OR2M3: variants seen among roughly 807,000 people sequenced by gnomAD.
The protein encoded by OR2M3 is olfactory receptor family 2 subfamily M member 3.
In OR2M3, 1 loss-of-function variant was observed where a neutral mutation model predicts 4.3. The ratio of observed to expected loss-of-function variants is 0.23; its 90% CI spans 0.08 to 1.11. The LOEUF is 1.11. Ranked by LOEUF, OR2M3 falls within the 50% of genes most tolerant of loss-of-function variation. OR2M3 has a pLI of 0.54. For missense variants in OR2M3, 410 were observed against 390.4 expected, an observed-to-expected ratio of 1.05 and a Z score of -0.42; for synonymous variants, 151 against 139.4, an observed-to-expected ratio of 1.08 and a Z score of -0.59.
Position 248,209,939 on chromosome 1 carries a change from G to A in OR2M3, c.*5933G>A, listed in dbSNP as rs1209055825. 6.6e-6 allele frequency: 1 copy of A among 152,354 alleles called. No homozygotes were observed. Among genetic ancestry groups the A allele is most frequent in the Non-Finnish European group, 1.5e-5 (1 of 68,080 alleles). 9.4% of individuals were successfully genotyped at this position (152,354 alleles called of 1,614,324 possible). A position where few individuals can be genotyped will look rare whatever the true frequency, so the allele number is the denominator to read the frequency against. ...GTCTTCAGCTACCAAGGTGGATAGA[G>A]AAAGACCACCAGGTCAGGGTAGGGA... On this transcript the variant is annotated 3_prime_UTR_variant, in exon 2 of 2. Coordinates refer to ENST00000641626, the MANE Select transcript of OR2M3 (RefSeq NM_001004689.2).
chr1:248,198,728 G>C (rs1435150297), intron 1 of OR2M3, among the ~76,000 whole-genome samples: 1 of 152,054 alleles, frequency 6.6e-6, no homozygotes, highest in African/African-American at 2.4e-5. Context: ...GTATCACAGT[G>C]TCATGAAATC....
chr1:248,200,936 C>T (rs921904143), intron 1 of OR2M3, among the ~76,000 whole-genome samples: 2 of 152,080 alleles, frequency 1.3e-5, no homozygotes, highest in Non-Finnish European at 2.9e-5. Context: ...CTAGATTATT[C>T]AGCTTTCATT....
intron 1 of OR2M3, among the ~76,000 whole-genome samples, chr1:248,202,391 C>T (rs1245929342): frequency 6.6e-6 from 1 of 152,158 alleles, no homozygotes; most frequent in Non-Finnish European, 1.5e-5. Flanking sequence ...TAGTTACACT[C>T]TTTATGTATT....
chr1:248,198,971 T>A (rs1367828222), intron 1 of OR2M3, among the ~76,000 whole-genome samples: 1 of 152,168 alleles, frequency 6.6e-6, no homozygotes, highest in Non-Finnish European at 1.5e-5. Flanking sequence ...ATGATTTTCA[T>A]GACTTCTGTG....
At chr1:248,202,235 T>A (rs971068343) in intron 1 of OR2M3, among the ~76,000 whole-genome samples, 5 of 151,990 alleles carry the variant, frequency 3.3e-5, no homozygotes, top group Admixed American at 1.3e-4. Flanking sequence ...ATTTCTTGGT[T>A]TGCAGATGCA....
rs12058056 is a variant in OR2M3, at chr1:248,199,668, T to G, written c.-19+2367T>G. On this transcript the variant is annotated intron_variant, in intron 1 of 1. Coordinates refer to ENST00000641626, the MANE Select transcript of OR2M3 (RefSeq NM_001004689.2). ...CATTAGTTCTTTTTATAGAATTTTA[T>G]TGAATAAATATTCACATGGATCTTA... Among the ~76,000 whole-genome samples, 997 of 152,198 alleles carry G rather than the reference T, an allele frequency of 6.6e-3. 13 individuals carry two copies. Among genetic ancestry groups the G allele is most frequent in the African/African-American group, 0.023 (944 of 41,538 alleles).
rs1477208656 is a variant in OR2M3, at chr1:248,207,140, G to A, written c.*3134G>A. On this transcript the variant is annotated 3_prime_UTR_variant, in exon 2 of 2. Coordinates refer to ENST00000641626, the MANE Select transcript of OR2M3 (RefSeq NM_001004689.2). ...TTGATTAATCATTTGTATTTCTATG[G>A]AATCAATTGTAATATCTCCCTTTTC... 1 of 151,894 alleles carries A rather than the reference G, an allele frequency of 6.6e-6. No individual in the cohort carries two copies. Among genetic ancestry groups the A allele is most frequent in the Non-Finnish European group, 1.5e-5 (1 of 67,916 alleles). 9.4% of individuals were successfully genotyped at this position (151,894 alleles called of 1,614,324 possible).
In OR2M3 at chr1:248,203,470, C is replaced by G. The variant is rs1409931924; in HGVS notation, c.403C>G (p.Leu135Val). 4 of 1,613,884 alleles carry G rather than the reference C, an allele frequency of 2.5e-6. No individual in the cohort carries two copies. The East Asian group carries it at 6.7e-5, about 27-fold the overall frequency. ...TTGCCACCCTCTAAGATACACCAAT[C>G]TCATGAGCCCTAAAATTTGTGGACT... Reference protein sequence around the residue: ...AICHPLRYTNLMSPKICGLMT... With the variant: ...AICHPLRYTNVMSPKICGLMT... Residue 135 changes from leucine (L) to valine (V), a missense_variant, in exon 2 of 2, where the codon CTC becomes GTC. Transcript: ENST00000641626.
At position 248,204,053 on chromosome 1, in the gene OR2M3, T is replaced by C. The variant is rs745603784; in HGVS notation, c.*47T>C. 2 of 1,582,808 alleles carry C rather than the reference T, an allele frequency of 1.3e-6. No homozygotes were observed. The highest frequency in any genetic ancestry group is 2.2e-5 in the East Asian group (1 of 44,678). Reference sequence around the variant, plus strand: ...TTTGCTGTGTGCTAAATCCTTTTTTTAAATGGTCCTATTTTTCCATTAAGC... The same window carrying C: ...TTTGCTGTGTGCTAAATCCTTTTTTCAAATGGTCCTATTTTTCCATTAAGC... On this transcript the variant is annotated 3_prime_UTR_variant, in exon 2 of 2. Coordinates refer to ENST00000641626, the MANE Select transcript of OR2M3 (RefSeq NM_001004689.2).
intron 1 of OR2M3, among the ~76,000 whole-genome samples, chr1:248,199,158 A>G (rs1666129642): frequency 6.6e-6 from 1 of 152,152 alleles, no homozygotes; most frequent in Non-Finnish European, 1.5e-5. Flanking sequence ...AGATGAAATA[A>G]ATAAAAATGG....
intron 1 of OR2M3, among the ~76,000 whole-genome samples, chr1:248,199,551 G>A (rs1423875702): frequency 6.6e-6 from 1 of 151,946 alleles, no homozygotes; most frequent in African/African-American, 2.4e-5. Flanking sequence ...TTTCAGAGTT[G>A]GATCTCATAT....
At chr1:248,199,892 A>T (rs1339292311) in intron 1 of OR2M3, among the ~76,000 whole-genome samples, 1 of 152,168 alleles carries the variant, frequency 6.6e-6, no homozygotes, top group East Asian at 1.9e-4. Context: ...GCCTAAACTA[A>T]TGTAACTGAG....
Position 248,204,133 on chromosome 1 carries a change from C to T in OR2M3, c.*127C>T, listed in dbSNP as rs912801950. On this transcript the variant is annotated 3_prime_UTR_variant, in exon 2 of 2. Transcript: ENST00000641626. ...ATCTGCAATGACATATTTATGTGCA[C>T]CTATATAATTTATTTCAGATAAACT... The T allele has an allele frequency of 1.0e-5, 8 of 766,938 alleles. No homozygotes were observed. Among genetic ancestry groups the T allele is most frequent in the African/African-American group, 7.0e-5 (4 of 56,742 alleles). 47.5% of individuals were successfully genotyped at this position (766,938 alleles called of 1,614,324 possible).
rs368555896 is a variant in OR2M3 at position 248,203,829 on chromosome 1, A to G, written c.762A>G (p.Ala254=). 4 of 1,613,436 alleles carry G rather than the reference A, an allele frequency of 2.5e-6. No homozygotes were observed. Among genetic ancestry groups the G allele is most frequent in the Non-Finnish European group, 3.4e-6 (4 of 1,179,804 alleles). Reference sequence around the variant, plus strand: ...TGGTGGTGGGAATGTACTATGGAGCAGCTTTGTTCATGTACATACGGCCCA... The same window carrying G: ...TGGTGGTGGGAATGTACTATGGAGCGGCTTTGTTCATGTACATACGGCCCA... ...HLLVVGMYYG[A]ALFMYIRPTS... Residue 254 remains alanine (A), a synonymous_variant, in exon 2 of 2, where the codon GCA becomes GCG. Transcript: ENST00000641626.
rs551097137 is a variant in OR2M3, at chr1:248,208,654, C to A, written c.*4648C>A. 3 of 152,272 alleles carry A rather than the reference C, an allele frequency of 2.0e-5. No individual in the cohort carries two copies. The highest frequency in any genetic ancestry group is 3.9e-4 in the East Asian group (2 of 5,182). The allele number at this position is 152,272 out of a possible 1,614,324, so 9.4% of individuals were successfully genotyped here. On this transcript the variant is annotated 3_prime_UTR_variant, in exon 2 of 2. Transcript: ENST00000641626. ...AGGAGGCTGATGATAGGGCGCCAAT[C>A]CCTTCTAGCTTGTAGGGCTTCTGCT...
chr1:248,199,898 C>T (rs1030932949), intron 1 of OR2M3, among the ~76,000 whole-genome samples: 1 of 152,066 alleles, frequency 6.6e-6, no homozygotes, highest in Non-Finnish European at 1.5e-5. Flanking sequence ...ACTAATGTAA[C>T]TGAGAAAATT....
chr1:248,197,912 C>A (rs1211269628), intron 1 of OR2M3, among the ~76,000 whole-genome samples: 1 of 151,924 alleles, frequency 6.6e-6, no homozygotes, highest in African/African-American at 2.4e-5. Context: ...ACACTTGGTT[C>A]TATTCCAAAA....
chr1:248,197,945 G>C (rs1215273179), intron 1 of OR2M3, among the ~76,000 whole-genome samples: 1 of 151,994 alleles, frequency 6.6e-6, no homozygotes, highest in Non-Finnish European at 1.5e-5. Context: ...TAGCTATGCA[G>C]ATATTCCAAA....
At position 248,205,855 on chromosome 1, in the gene OR2M3, A is replaced by G. The variant is rs1666218910; in HGVS notation, c.*1849A>G. 6.6e-6 allele frequency: 1 copy of G among 152,124 alleles called. No individual in the cohort carries two copies. The allele number at this position is 152,124 out of a possible 1,614,324, so 9.4% of individuals were successfully genotyped here. ...ATGGTGATATTTTAGTGGGAATTGC[A>G]TTGAATTTGTAAATTGCTTTTGGCA... On this transcript the variant is annotated 3_prime_UTR_variant, in exon 2 of 2. Transcript: ENST00000641626.
Sources: allele counts gnomAD v4.1 joint callset (sites outside exome capture counted in the v4.1 genomes callset), GRCh38; gene constraint gnomAD v4.1.1; transcripts MANE v1.5; gene names NCBI Gene and HGNC (gene_info 2026-07-23, HGNC 2026-07-21).